Variants in MSRB3 observed in about 807,000 individuals in gnomAD.
MSRB3 encodes methionine-R-sulfoxide reductase B3.
Under a neutral mutation model 21.0 loss-of-function variants are expected in MSRB3, and 13 were observed. The ratio of observed to expected loss-of-function variants is 0.62; its 90% confidence interval spans 0.40 to 0.98. The LOEUF is 0.98. Among genes scored for constraint, MSRB3 ranks in the 50% least tolerant of loss-of-function variants. MSRB3 has a pLI of 0.00. For synonymous variants in MSRB3, 87 were observed against 88.6 expected, an observed-to-expected ratio of 0.98 and a Z score of 0.10; for missense variants, 199 against 230.3, an observed-to-expected ratio of 0.86 and a Z score of 0.88.
chr12:65,315,527 G>A (rs1874236446), intron 2 of MSRB3, among the ~76,000 whole-genome samples: 1 of 151,778 alleles, frequency 6.6e-6, no homozygotes, highest in Admixed American at 6.6e-5. Context: ...ATAATTAGCC[G>A]GGCCTGGTGG....
intron 1 of MSRB3, among the ~76,000 whole-genome samples, chr12:65,293,443 C>T (rs375813821): frequency 9.2e-5 from 14 of 152,200 alleles, no homozygotes; most frequent in Admixed American, 2.6e-4. Flanking sequence ...CTGCTCCTCA[C>T]TGACACCTCC....
At chr12:65,345,654 A>G (rs1180740853) in intron 4 of MSRB3, among the ~76,000 whole-genome samples, 1 of 152,158 alleles carries the variant, frequency 6.6e-6, no homozygotes, top group Non-Finnish European at 1.5e-5. Flanking sequence ...ATATGTATAC[A>G]TGTGCCATGT....
chr12:65,324,086 G>A (rs189097765), intron 2 of MSRB3, among the ~76,000 whole-genome samples: 1 of 152,072 alleles, frequency 6.6e-6, no homozygotes, highest in Admixed American at 6.5e-5. Flanking sequence ...ATAATCACTA[G>A]TATTTCTTAA....
At chr12:65,364,102 T>C (rs1194561182) in intron 4 of MSRB3, among the ~76,000 whole-genome samples, 3 of 152,144 alleles carry the variant, frequency 2.0e-5, no homozygotes, top group African/African-American at 7.2e-5. Flanking sequence ...GATCTAGGAA[T>C]GGCTACTTCA....
chr12:65,348,010 C>T (rs764781527), intron 4 of MSRB3, among the ~76,000 whole-genome samples: 1 of 152,130 alleles, frequency 6.6e-6, no homozygotes, highest in Non-Finnish European at 1.5e-5. Context: ...AGGATTTTTG[C>T]ATCGATGTTC....
At chr12:65,323,770 A>G (rs769292305) in intron 2 of MSRB3, among the ~76,000 whole-genome samples, 1 of 152,230 alleles carries the variant, frequency 6.6e-6, no homozygotes, top group African/African-American at 2.4e-5. Flanking sequence ...GAGAAGGGAA[A>G]TAAGAGACAA....
At chr12:65,328,682 C>A in intron 4 of MSRB3, 79 bp downstream of exon 4, 3 of 936,292 alleles carry the variant, frequency 3.2e-6, no homozygotes, top group Non-Finnish European at 5.3e-6. Flanking sequence ...ATCTTAGAAT[C>A]TTTCCATTGC....
At chr12:65,294,078 C>A (rs1872812068) in intron 1 of MSRB3, among the ~76,000 whole-genome samples, 1 of 152,140 alleles carries the variant, frequency 6.6e-6, no homozygotes. Flanking sequence ...CCAGGCAGTG[C>A]CCCCAGTATT....
intron 5 of MSRB3, among the ~76,000 whole-genome samples, chr12:65,388,731 CATG>C (rs1391756692): frequency 6.6e-6 from 1 of 152,010 alleles, no homozygotes; most frequent in Non-Finnish European, 1.5e-5. Flanking sequence ...ATTAGCCAGA[CATG>C]GTGGTGGGTG....
intron 5 of MSRB3, among the ~76,000 whole-genome samples, chr12:65,399,423 G>T (rs1879996413): frequency 6.6e-6 from 1 of 152,120 alleles, no homozygotes; most frequent in Non-Finnish European, 1.5e-5. Context: ...TGTTGTATAG[G>T]AATGCTTGTG....
intron 5 of MSRB3, among the ~76,000 whole-genome samples, chr12:65,373,761 G>C (rs938680297): frequency 1.3e-5 from 2 of 152,172 alleles, no homozygotes; most frequent in Non-Finnish European, 2.9e-5. Context: ...AGAAGGTTAG[G>C]AGATCCTAAA....
At chr12:65,390,009 T>G (rs998267184) in intron 5 of MSRB3, among the ~76,000 whole-genome samples, 17 of 152,214 alleles carry the variant, frequency 1.1e-4, no homozygotes, top group Admixed American at 1.0e-3. Flanking sequence ...TAGAGAAATT[T>G]AACACTATGA....
At chr12:65,340,915 C>G (rs548638608) in intron 4 of MSRB3, among the ~76,000 whole-genome samples, 8 of 152,106 alleles carry the variant, frequency 5.3e-5, no homozygotes, top group Admixed American at 2.6e-4. Flanking sequence ...CCAGCAACCT[C>G]AGAAGAAATT....
intron 5 of MSRB3, among the ~76,000 whole-genome samples, chr12:65,444,727 T>A (rs555938633): frequency 6.6e-6 from 1 of 152,182 alleles, no homozygotes; most frequent in Non-Finnish European, 1.5e-5. Context: ...GTCTCTCAGG[T>A]CTTACTTAAC....
At chr12:65,356,680 AAG>A (rs1486363369) in intron 4 of MSRB3, among the ~76,000 whole-genome samples, 15 of 151,986 alleles carry the variant, frequency 9.9e-5, no homozygotes, top group African/African-American at 3.6e-4. Context: ...TTAGCTTTAA[AAG>A]AACATTCAGG....
At chr12:65,328,269 T>A (rs1413422793) in intron 3 of MSRB3, among the ~76,000 whole-genome samples, 3 of 151,940 alleles carry the variant, frequency 2.0e-5, no homozygotes, top group African/African-American at 7.3e-5. Context: ...TAGAAAAAAA[T>A]CTTTTTCTAA....
intron 5 of MSRB3, among the ~76,000 whole-genome samples, chr12:65,387,263 T>C (rs887418811): frequency 6.6e-6 from 1 of 152,142 alleles, no homozygotes; most frequent in Admixed American, 6.5e-5. Context: ...TAACTTTTAC[T>C]GTGAAATAGC....
At chr12:65,396,149 C>T (rs1047465205) in intron 5 of MSRB3, among the ~76,000 whole-genome samples, 2 of 152,140 alleles carry the variant, frequency 1.3e-5, no homozygotes, top group African/African-American at 4.8e-5. Context: ...CTATAATTTT[C>T]CTATAAGCAC....
chr12:65,373,207 G>GA (rs1878418577), intron 5 of MSRB3, among the ~76,000 whole-genome samples: 1 of 151,958 alleles, frequency 6.6e-6, no homozygotes, highest in Admixed American at 6.6e-5. Context: ...CAAAATAACT[G>GA]AAAAAAGATG....
Sources: gnomAD v4.1 joint callset for allele counts (sites outside exome capture counted in the v4.1 genomes callset) on GRCh38, gnomAD v4.1.1 for gene constraint, MANE v1.5 for transcripts, NCBI Gene and HGNC (gene_info 2026-07-23, HGNC 2026-07-21) for gene names.